NEGR1: variants seen among roughly 807,000 people sequenced by gnomAD.
The protein encoded by NEGR1 is IgLON family member 4.
Under a neutral mutation model 40.9 loss-of-function variants are expected in NEGR1, and 10 were observed. That is an observed-to-expected ratio of 0.24 (90% CI 0.15 to 0.42). The LOEUF is 0.42. Ranked by LOEUF, NEGR1 falls within the 10% of genes least tolerant of loss-of-function variation. The pLI is 1.00. For missense variants in NEGR1, 352 were observed against 438.9 expected, an observed-to-expected ratio of 0.80 and a Z score of 1.77; for synonymous variants, 185 against 166.8, an observed-to-expected ratio of 1.11 and a Z score of -0.84.
intron 2 of NEGR1, among the ~76,000 whole-genome samples, chr1:71,820,310 C>G (rs911428097): frequency 3.9e-5 from 6 of 151,930 alleles, no homozygotes; most frequent in African/African-American, 1.4e-4. Context: ...TTCCCAGTTT[C>G]CAGACCTGAG....
At chr1:72,004,928 A>C (rs1164515406) in intron 1 of NEGR1, among the ~76,000 whole-genome samples, 1 of 152,136 alleles carries the variant, frequency 6.6e-6, no homozygotes, top group Non-Finnish European at 1.5e-5. Flanking sequence ...TTATCTATTG[A>C]GCACCTCCAA....
At chr1:72,095,323 TAC>T (rs1648657015) in intron 1 of NEGR1, among the ~76,000 whole-genome samples, 1 of 152,054 alleles carries the variant, frequency 6.6e-6, no homozygotes, top group African/African-American at 2.4e-5. Context: ...AATATGAGAG[TAC>T]AGTCATATTT....
chr1:71,684,312 T>C (rs1277727961), intron 4 of NEGR1, among the ~76,000 whole-genome samples: 1 of 151,992 alleles, frequency 6.6e-6, no homozygotes, highest in African/African-American at 2.4e-5. Context: ...ATTACTAATA[T>C]TATTAAAATT....
chr1:72,193,615 C>T (rs1272876905), intron 1 of NEGR1, among the ~76,000 whole-genome samples: 1 of 151,006 alleles, frequency 6.6e-6, no homozygotes, highest in East Asian at 1.9e-4. Context: ...TTTAAGGCCA[C>T]AGATATTATT....
chr1:71,679,600 C>G (rs1652763542), intron 4 of NEGR1, among the ~76,000 whole-genome samples: 1 of 151,942 alleles, frequency 6.6e-6, no homozygotes, highest in African/African-American at 2.4e-5. Context: ...ATATCATCCA[C>G]AATGCAGAAC....
At chr1:72,062,459 G>A (rs190093821) in intron 1 of NEGR1, among the ~76,000 whole-genome samples, 1 of 151,958 alleles carries the variant, frequency 6.6e-6, no homozygotes, top group African/African-American at 2.4e-5. Flanking sequence ...TCTTTGAAGA[G>A]GAAAAAGACT....
intron 1 of NEGR1, among the ~76,000 whole-genome samples, chr1:72,211,322 C>G (rs1457849899): frequency 6.6e-6 from 1 of 151,590 alleles, no homozygotes. Flanking sequence ...TAAAAAGGAG[C>G]CTTTATAAAG....
At chr1:71,810,957 C>T (rs553351081) in intron 2 of NEGR1, among the ~76,000 whole-genome samples, 1 of 152,230 alleles carries the variant, frequency 6.6e-6, no homozygotes, top group Admixed American at 6.5e-5. Context: ...TCTGTTAATT[C>T]TTGTTTATTA....
At chr1:71,562,440 A>G (rs1648491758) in intron 6 of NEGR1, among the ~76,000 whole-genome samples, 1 of 151,760 alleles carries the variant, frequency 6.6e-6, no homozygotes, top group Admixed American at 6.6e-5. Flanking sequence ...CACACTCTTG[A>G]CAAATCTTAA....
chr1:71,876,763 G>GT (rs1181209034), intron 2 of NEGR1, among the ~76,000 whole-genome samples: 1 of 152,220 alleles, frequency 6.6e-6, no homozygotes, highest in East Asian at 1.9e-4. Context: ...AGAAACTGAA[G>GT]TTTTTTATAT....
intron 6 of NEGR1, among the ~76,000 whole-genome samples, chr1:71,427,730 A>G (rs1646437497): frequency 6.6e-6 from 1 of 152,222 alleles, no homozygotes; most frequent in Non-Finnish European, 1.5e-5. Context: ...AAGCAATAAA[A>G]TATACATTTT....
intron 1 of NEGR1, among the ~76,000 whole-genome samples, chr1:72,170,356 T>C (rs1290451220): frequency 6.6e-6 from 1 of 152,182 alleles, no homozygotes; most frequent in Admixed American, 6.5e-5. Context: ...TTATTATCAT[T>C]TAACACACTG....
chr1:72,099,024 C>T (rs756488572), intron 1 of NEGR1, among the ~76,000 whole-genome samples: 7 of 151,738 alleles, frequency 4.6e-5, no homozygotes, highest in Non-Finnish European at 1.0e-4. Flanking sequence ...ATATTCAACT[C>T]GACTTTTAAT....
intron 1 of NEGR1, among the ~76,000 whole-genome samples, chr1:72,104,631 C>T (rs568013098): frequency 1.3e-5 from 2 of 152,196 alleles, no homozygotes; most frequent in African/African-American, 4.8e-5. Context: ...ATATGCTACA[C>T]AACAGCAGGA....
intron 2 of NEGR1, among the ~76,000 whole-genome samples, chr1:71,900,298 A>G (rs1661109517): frequency 6.6e-6 from 1 of 152,162 alleles, no homozygotes; most frequent in South Asian, 2.1e-4. Context: ...GCTTTTCCCT[A>G]TTAGTCTCTG....
At chr1:71,692,144 A>C (rs1653305083) in intron 4 of NEGR1, among the ~76,000 whole-genome samples, 1 of 151,770 alleles carries the variant, frequency 6.6e-6, no homozygotes, top group Admixed American at 6.6e-5. Flanking sequence ...TATAGTAAGC[A>C]GTAAGTAAAT....
intron 6 of NEGR1, among the ~76,000 whole-genome samples, chr1:71,528,218 C>A (rs1647250873): frequency 6.6e-6 from 1 of 151,266 alleles, no homozygotes; most frequent in Non-Finnish European, 1.5e-5. Context: ...TGCTATGGTA[C>A]TCCCATTTCT....
chr1:72,248,111 C>T (rs1654961036), intron 1 of NEGR1, among the ~76,000 whole-genome samples: 1 of 152,090 alleles, frequency 6.6e-6, no homozygotes, highest in Admixed American at 6.6e-5. Context: ...CTGCATGACC[C>T]AAACACCTCT....
intron 2 of NEGR1, among the ~76,000 whole-genome samples, chr1:71,876,729 A>G (rs919274012): frequency 7.2e-5 from 11 of 152,172 alleles, no homozygotes; most frequent in African/African-American, 2.2e-4. Context: ...GCCTGAGCAT[A>G]TATGTAGCAT....
Sources: gnomAD v4.1 joint callset for allele counts (sites outside exome capture counted in the v4.1 genomes callset) on GRCh38, gnomAD v4.1.1 for gene constraint, MANE v1.5 for transcripts, NCBI Gene and HGNC (gene_info 2026-07-23, HGNC 2026-07-21) for gene names.